The following C10orf90 variants were observed in gnomAD, a reference collection of about 807,000 sequenced individuals.
C10orf90 encodes chromosome 10 open reading frame 90, also known as (E2-independent) E3 ubiquitin-conjugating enzyme FATS.
A neutral mutation model predicts 62.5 loss-of-function variants in C10orf90; 56 were observed. The ratio of observed to expected loss-of-function variants is 0.90; its 90% CI spans 0.72 to 1.12. C10orf90 has a LOEUF of 1.12. C10orf90 is among the 50% of genes most tolerant of loss of function. The pLI is 0.00. For missense variants in C10orf90, 970 were observed against 880.4 expected (o/e 1.10, Z -1.29); for synonymous variants, 386 against 340.4 (o/e 1.13, Z -1.47).
At position 126,618,940 on chromosome 10, in the gene C10orf90, C is replaced by T. The variant is rs549367648; in HGVS notation, c.313+27625G>A. Among the ~76,000 whole-genome samples, 412 of 152,112 alleles carry T rather than the reference C, an allele frequency of 2.7e-3. 3 individuals are homozygous for T. Among genetic ancestry groups the T allele is most frequent in the African/African-American group, 8.9e-3 (370 of 41,488 alleles). On this transcript the variant is annotated intron_variant, in intron 2 of 9. Transcript: ENST00000488181. Reference sequence around the variant, plus strand: ...TGGAATCAACCTAAATGCCCATGAGCGGTAGGCTGGATAAATAAAATGTGG... The same window carrying T: ...TGGAATCAACCTAAATGCCCATGAGTGGTAGGCTGGATAAATAAAATGTGG...
In C10orf90 at chr10:126,504,055, G is replaced by A. The variant is rs765232910; in HGVS notation, c.1436C>T (p.Thr479Ile). Reference sequence around the variant, plus strand: ...ATGGTCCTTTTCCCCTTTTCTTACAGTGACTTGGTTAGCTCCCACATTTGC... The same window carrying A: ...ATGGTCCTTTTCCCCTTTTCTTACAATGACTTGGTTAGCTCCCACATTTGC... ...ELANVGANQV[T>I]VRKGEKDHTT... Residue 479 changes from threonine to isoleucine, a missense_variant, in exon 4 of 10, where the codon ACT (threonine) becomes ATT (isoleucine). By Grantham distance (89) the Thr-to-Ile change is moderately conservative (BLOSUM62 -1). Coordinates refer to ENST00000488181, the MANE Select transcript of C10orf90 (RefSeq NM_001350921.2). The surrounding 1 kb of genome is among the most constrained non-coding windows in gnomAD (Gnocchi z 4.1). 6.2e-7 allele frequency: 1 copy of A among 1,614,156 alleles called. No homozygotes were observed. The highest frequency in any genetic ancestry group is 8.5e-7 in the Non-Finnish European group (1 of 1,180,040).
At chr10:126,428,289 A>G (rs1857373914) in intron 8 of C10orf90, among the ~76,000 whole-genome samples, 1 of 152,186 alleles carries the variant, frequency 6.6e-6, no homozygotes, top group African/African-American at 2.4e-5. Flanking sequence ...GGACTGGGGT[A>G]GGGAAAGTGG....
At chr10:126,602,675 A>G (rs1845221503) in intron 2 of C10orf90, among the ~76,000 whole-genome samples, 1 of 151,954 alleles carries the variant, frequency 6.6e-6, no homozygotes, top group Non-Finnish European at 1.5e-5. Context: ...TTGCTCTGAT[A>G]GTAGAGGCAA....
At chr10:126,510,547 C>T (rs1436577896) in intron 3 of C10orf90, among the ~76,000 whole-genome samples, 1 of 152,138 alleles carries the variant, frequency 6.6e-6, no homozygotes, top group Non-Finnish European at 1.5e-5. Context: ...AAAATCATCT[C>T]ATATTTATGG....
At position 126,461,505 on chromosome 10, in the gene C10orf90, G is replaced by A; in HGVS notation, c.1906C>T (p.Pro636Ser). The change falls in exon 6 of 10, where the codon CCA (proline) becomes TCA (serine). Residue 636 changes from proline (P) to serine (S), a missense_variant. Coordinates refer to ENST00000488181, the MANE Select transcript of C10orf90 (RefSeq NM_001350921.2). ...CGGGGTGCTGGCGAGGGTGCTGCTG[G>A]GGAGGGCTCAGGTGTGGTGGGGTCC... is the stretch of plus-strand genomic sequence containing the variant. ...SEDPTTPEPSPAAPSPAPRDG... is the reference protein window; with the variant it reads ...SEDPTTPEPSSAAPSPAPRDG... 1 of 1,614,028 alleles carries A rather than the reference G, an allele frequency of 6.2e-7. No individual in the cohort carries two copies. Among genetic ancestry groups the A allele is most frequent in the East Asian group, 2.2e-5 (1 of 44,870 alleles).
At chr10:126,446,498 G>GA (rs555500274) in intron 7 of C10orf90, among the ~76,000 whole-genome samples, 1 of 151,868 alleles carries the variant, frequency 6.6e-6, no homozygotes, top group African/African-American at 2.4e-5. Context: ...GTGCTGGGGG[G>GA]AAAAAAATCT....
intron 6 of C10orf90, among the ~76,000 whole-genome samples, chr10:126,459,430 A>G (rs759346500): frequency 3.9e-5 from 6 of 152,236 alleles, no homozygotes; most frequent in Non-Finnish European, 7.3e-5. Context: ...AGGCCTGGCC[A>G]GCGCCGAGGC....
At chr10:126,554,608 A>C (rs1339222406) in intron 2 of C10orf90, among the ~76,000 whole-genome samples, 5 of 152,046 alleles carry the variant, frequency 3.3e-5, no homozygotes, top group Non-Finnish European at 7.4e-5. Flanking sequence ...AAAAATTAGC[A>C]CTCTACTATT....
chr10:126,634,070 G>A (rs1845902875), intron 2 of C10orf90, among the ~76,000 whole-genome samples: 1 of 152,148 alleles, frequency 6.6e-6, no homozygotes, highest in Non-Finnish European at 1.5e-5. Flanking sequence ...AAACAATGTG[G>A]AGTTTCCTTA....
At chr10:126,496,949 T>A (rs1862094621) in intron 4 of C10orf90, among the ~76,000 whole-genome samples, 1 of 152,204 alleles carries the variant, frequency 6.6e-6, no homozygotes, top group African/African-American at 2.4e-5. Context: ...TGTGCAAGTA[T>A]AACAATGACC....
intron 2 of C10orf90, among the ~76,000 whole-genome samples, chr10:126,573,363 C>T (rs1430861848): frequency 6.6e-6 from 1 of 152,210 alleles, no homozygotes; most frequent in Non-Finnish European, 1.5e-5. Flanking sequence ...CTGCTAGGCC[C>T]AAGGTGTGGC....
At chr10:126,459,014 G>C (rs780901239) in intron 7 of C10orf90, 26 bp downstream of exon 7, 2 of 1,599,012 alleles carry the variant, frequency 1.3e-6, no homozygotes, top group South Asian at 2.2e-5. Context: ...GTCTTTTCCA[G>C]TCTCCACAAG....
At chr10:126,581,419 A>G (rs1844749660) in intron 2 of C10orf90, among the ~76,000 whole-genome samples, 1 of 152,162 alleles carries the variant, frequency 6.6e-6, no homozygotes, top group East Asian at 1.9e-4. Context: ...AGTGACGTGG[A>G]CTGCATGCTG....
chr10:126,513,907 G>T lies in C10orf90; in HGVS notation c.346C>A (p.Gln116Lys). 2 of 1,613,202 alleles carry T rather than the reference G, an allele frequency of 1.2e-6. No homozygotes were observed. The highest frequency in any genetic ancestry group is 1.1e-5 in the South Asian group (1 of 91,056). Residue 116 changes from glutamine to lysine, a missense_variant, in exon 3 of 10, where the codon CAA (glutamine) becomes AAA (lysine). Coordinates refer to ENST00000488181, the MANE Select transcript of C10orf90 (RefSeq NM_001350921.2). ...LRDSYHSRRD[Q>K]IALKNLQSDV... Reference sequence around the variant, plus strand: ...GACTGGAGATTTTTAAGGGCAATTTGATCTCTTCTACTGTGGTAGCTGTCC... The same window carrying T: ...GACTGGAGATTTTTAAGGGCAATTTTATCTCTTCTACTGTGGTAGCTGTCC...
intron 4 of C10orf90, among the ~76,000 whole-genome samples, chr10:126,487,113 C>T (rs911754817): frequency 3.2e-5 from 4 of 124,334 alleles, no homozygotes; most frequent in African/African-American, 1.2e-4. Flanking sequence ...CATTATACTC[C>T]AGCCTGGGCA....
intron 4 of C10orf90, among the ~76,000 whole-genome samples, chr10:126,465,995 G>A (rs557285336): frequency 1.4e-4 from 21 of 151,994 alleles, no homozygotes; most frequent in Admixed American, 1.2e-3. Flanking sequence ...AATTGGGAGT[G>A]GAAGACAGGC....
At chr10:126,545,893 T>A (rs1864478741) in intron 2 of C10orf90, among the ~76,000 whole-genome samples, 1 of 152,174 alleles carries the variant, frequency 6.6e-6, no homozygotes, top group Non-Finnish European at 1.5e-5. Flanking sequence ...TTGTTCTGGA[T>A]GCTATATATA....
intron 1 of C10orf90, among the ~76,000 whole-genome samples, chr10:126,664,251 G>A (rs959588039): frequency 6.6e-5 from 10 of 152,026 alleles, no homozygotes; most frequent in Non-Finnish European, 1.2e-4. Context: ...GAAGTGTTTT[G>A]CCCCAATTTA....
Position 126,481,481 on chromosome 10 carries a change from C to T in C10orf90, c.1535-16495G>A, listed in dbSNP as rs149284064. Among the ~76,000 whole-genome samples the T allele has an allele frequency of 2.3e-3, 345 of 152,346 alleles. 1 individual carries two copies. The highest frequency in any genetic ancestry group is 4.3e-3 in the Admixed American group (66 of 15,308). On this transcript the variant is annotated intron_variant, in intron 4 of 9. Coordinates refer to ENST00000488181, the MANE Select transcript of C10orf90 (RefSeq NM_001350921.2). Reference sequence around the variant, plus strand: ...ACATCATTTAACTGATGACTCCTCACGGATTTCATTCAGCCAAAAGAAAAA... The same window carrying T: ...ACATCATTTAACTGATGACTCCTCATGGATTTCATTCAGCCAAAAGAAAAA...
Sources: allele counts gnomAD v4.1 joint callset (sites outside exome capture counted in the v4.1 genomes callset), GRCh38; gene constraint gnomAD v4.1.1; non-coding constraint Gnocchi (gnomAD v3.1); transcripts MANE v1.5; gene names NCBI Gene and HGNC (gene_info 2026-07-23, HGNC 2026-07-21).